The following CFH variants were observed in gnomAD, a reference collection of about 807,000 sequenced individuals.
CFH encodes complement factor H.
A neutral mutation model predicts 147.3 loss-of-function variants in CFH; 53 were observed. The ratio of observed to expected loss-of-function variants is 0.36; its 90% CI spans 0.29 to 0.45. The LOEUF (loss-of-function observed/expected upper bound fraction) is 0.45, where lower values mean the gene tolerates loss of function less well. Ranked by LOEUF, CFH falls within the 20% of genes least tolerant of loss-of-function variation. The pLI, the probability that CFH is intolerant of heterozygous loss-of-function variation, is 1.00. For missense variants in CFH, 1,380 were observed against 1,498.0 expected, an observed-to-expected ratio of 0.92 and a Z score of 1.30; for synonymous variants, 536 against 489.4, an observed-to-expected ratio of 1.10 and a Z score of -1.26.
chr1:196,679,866 CTTATT>C, intron 6 of CFH, 73 bp downstream of exon 6: 1 of 1,333,878 alleles, frequency 7.5e-7, no homozygotes, highest in South Asian at 1.3e-5. Context: ...AATAAATCCA[CTTATT>C]TTAATCAAAA....
At chr1:196,724,959 G>A (rs1054809637) in intron 11 of CFH, among the ~76,000 whole-genome samples, 162 bp from the exon 12 acceptor site, 2 of 152,110 alleles carry the variant, frequency 1.3e-5, no homozygotes, top group African/African-American at 2.4e-5. Context: ...AATTTAGACA[G>A]CATATAAAAC....
chr1:196,684,917 A>G, intron 6 of CFH, 147 bp from the exon 7 acceptor site: 1 of 662,958 alleles, frequency 1.5e-6, no homozygotes, highest in Non-Finnish European at 2.6e-6. Flanking sequence ...GATATACCAG[A>G]AAGGATACTA....
chr1:196,709,584 T>A (rs1246690622), intron 9 of CFH, among the ~76,000 whole-genome samples: 1 of 152,002 alleles, frequency 6.6e-6, no homozygotes, highest in Non-Finnish European at 1.5e-5. Context: ...GGGGGAAAAA[T>A]TCAACTATGA....
Position 196,743,527 on chromosome 1 carries a change from G to C in CFH, c.3209G>C (p.Gly1070Ala), listed in dbSNP as rs1284279831. 4 of 1,613,940 alleles carry C rather than the reference G, an allele frequency of 2.5e-6. No homozygotes were observed. The East Asian group carries it at 8.9e-5, about 36-fold the overall frequency. ...AGACAGATGAGTAAATATCCATCTG[G>C]TGAGAGAGTACGTTATCAATGTAGG... ...VSRQMSKYPS[G>A]ERVRYQCRSP... Residue 1070 changes from glycine (G) to alanine (A), a missense_variant, in exon 20 of 22, where the codon GGT becomes GCT. By Grantham distance (60) the Gly-to-Ala change is moderately conservative. Around this residue, in one of 4 missense-constraint regions of CFH, gnomAD observed 830 missense variants for 821.4 expected, o/e 1.01. Coordinates refer to ENST00000367429, the MANE Select transcript of CFH (RefSeq NM_000186.4).
chr1:196,713,124 CA>C lies in CFH; in HGVS notation c.1337-610del, dbSNP rs1340281449. On this transcript the variant is annotated intron_variant, in intron 9 of 21. Coordinates refer to ENST00000367429, the MANE Select transcript of CFH (RefSeq NM_000186.4). ...AATTTCTATCATCAGTTAACAGAAA[CA>C]GTAACTTCCACTCTTTCAAGTTAAG... 2.0e-5 allele frequency among the ~76,000 whole-genome samples: 3 copies of C among 152,174 alleles called. No individual in the cohort carries two copies. In the East Asian group the frequency reaches 5.8e-4, roughly 29 times the overall value.
intron 11 of CFH, among the ~76,000 whole-genome samples, chr1:196,722,690 C>A (rs1302762710): frequency 5.3e-5 from 8 of 152,054 alleles, no homozygotes; most frequent in Non-Finnish European, 8.8e-5. Context: ...TTAGCTTTTT[C>A]TTCTCCCTCA....
Position 196,695,774 on chromosome 1 carries a change from A to G in CFH, c.1336+5535A>G, listed in dbSNP as rs150963188. Among the ~76,000 whole-genome samples the G allele has an allele frequency of 1.4e-3, 208 of 152,216 alleles. 1 individual carries two copies. The highest frequency in any genetic ancestry group is 4.8e-3 in the African/African-American group (200 of 41,542). On this transcript the variant is annotated intron_variant, in intron 9 of 21. Coordinates refer to ENST00000367429, the MANE Select transcript of CFH (RefSeq NM_000186.4). ...TTTTATTTTCTTTGTGGCAATTGTG[A>G]ATGGGAGTTCACTCATGATTTGGCT...
chr1:196,721,120 A>C (rs10922105), intron 11 of CFH, among the ~76,000 whole-genome samples: 66,562 of 151,050 alleles, frequency 0.44, 14,770 homozygotes, highest in South Asian at 0.56. Context: ...ATATCTCTTC[A>C]TATCCTTTGT....
chr1:196,726,153 C>T (rs1669131613), intron 12 of CFH, among the ~76,000 whole-genome samples: 1 of 152,028 alleles, frequency 6.6e-6, no homozygotes, highest in South Asian at 2.1e-4. Context: ...TGATATTTTT[C>T]CAAAATGTTA....
At chr1:196,689,100 T>C (rs1260003041) in intron 7 of CFH, among the ~76,000 whole-genome samples, 1 of 152,150 alleles carries the variant, frequency 6.6e-6, no homozygotes, top group Non-Finnish European at 1.5e-5. Context: ...GAAAAGCTTA[T>C]TTAATTAACC....
intron 1 of CFH, among the ~76,000 whole-genome samples, chr1:196,656,889 AC>A (rs2149067003): frequency 6.6e-6 from 1 of 152,192 alleles, no homozygotes; most frequent in East Asian, 1.9e-4. Context: ...ATTCTATCCA[AC>A]TTCATGTGAC....
chr1:196,734,527 C>A (rs1669354943), intron 15 of CFH, among the ~76,000 whole-genome samples: 2 of 152,200 alleles, frequency 1.3e-5, no homozygotes. Context: ...TATCTTTCCT[C>A]TCTGAGGGAG....
rs551375068 is a variant in CFH, at chr1:196,693,042, G to T, written c.1336+2803G>T. 4.1e-4 allele frequency among the ~76,000 whole-genome samples: 62 copies of T among 151,516 alleles called. 1 individual carries two copies. In the South Asian group the frequency reaches 0.012, roughly 29 times the overall value. On this transcript the variant is annotated intron_variant, in intron 9 of 21. Coordinates refer to ENST00000367429, the MANE Select transcript of CFH (RefSeq NM_000186.4). ...TAGTCAGGTTATTTAGCTACTTTAC[G>T]GTTGTCATATAATTAACAAGTCTTA... is the stretch of plus-strand genomic sequence containing the variant.
In CFH at chr1:196,726,571, T is replaced by C. The variant is rs1255404208; in HGVS notation, c.1975T>C (p.Cys659Arg). ...YGHSEVVEYYCNPRFLMKGPN... is the reference protein window; with the variant it reads ...YGHSEVVEYYRNPRFLMKGPN... ...ACACAGTGAAGTGGTGGAATATTAT[T>C]GCAATCCTAGATTTCTAATGAAGGG... The change falls in exon 13 of 22, where the codon TGC becomes CGC. Residue 659 changes from cysteine to arginine, a missense_variant. By Grantham distance (180) the Cys-to-Arg change is radical. Coordinates refer to ENST00000367429, the MANE Select transcript of CFH (RefSeq NM_000186.4). 3.1e-6 allele frequency: 5 copies of C among 1,612,954 alleles called. No individual in the cohort carries two copies. Among genetic ancestry groups the C allele is most frequent in the Non-Finnish European group, 4.2e-6 (5 of 1,179,048 alleles).
At chr1:196,687,427 G>A (rs569649998) in intron 7 of CFH, among the ~76,000 whole-genome samples, 2 of 152,002 alleles carry the variant, frequency 1.3e-5, no homozygotes, top group East Asian at 3.9e-4. Context: ...GCTCGAGCCT[G>A]TGGTAATGTT....
rs1186740947 is a variant in CFH at position 196,653,863 on chromosome 1, A to G, written c.58+1688A>G. Among the ~76,000 whole-genome samples, 5 of 152,118 alleles carry G rather than the reference A, an allele frequency of 3.3e-5. No individual in the cohort carries two copies. The South Asian group carries it at 1.0e-3, about 31-fold the overall frequency. ...AAATCTGATTATTTCCTAAAAGATAAAGCACAACTTTGTATTTAAAGCAAT... is the reference window on the plus strand; with the variant it reads ...AAATCTGATTATTTCCTAAAAGATAGAGCACAACTTTGTATTTAAAGCAAT... On this transcript the variant is annotated intron_variant, in intron 1 of 21. Coordinates refer to ENST00000367429, the MANE Select transcript of CFH (RefSeq NM_000186.4).
At chr1:196,719,861 G>T (rs1014956564) in intron 11 of CFH, among the ~76,000 whole-genome samples, 3 of 151,362 alleles carry the variant, frequency 2.0e-5, no homozygotes, top group Non-Finnish European at 4.4e-5. Context: ...CTTTCCATGT[G>T]AACTTGAAAA....
At chr1:196,726,740 T>A (rs751637765) in intron 13 of CFH, 21 bp from the exon 14 acceptor site, 27 of 1,613,386 alleles carry the variant, frequency 1.7e-5, no homozygotes, top group Admixed American at 5.0e-5. Context: ...ACAATAAACT[T>A]TTTTTGTAAA....
At chr1:196,673,199 C>G in intron 2 of CFH, 36 bp downstream of exon 2, 1 of 1,553,544 alleles carries the variant, frequency 6.4e-7, no homozygotes, top group African/African-American at 1.4e-5. Flanking sequence ...TTTATGAAAA[C>G]TAGGTGTAAA....
Sources: gnomAD v4.1 joint callset for allele counts (sites outside exome capture counted in the v4.1 genomes callset) on GRCh38, gnomAD v4.1.1 for gene constraint, gnomAD v4.1.1 regional missense constraint, MANE v1.5 for transcripts, NCBI Gene and HGNC (gene_info 2026-07-23, HGNC 2026-07-21) for gene names.